The following PIBF1 variants were observed in gnomAD, a reference collection of about 807,000 sequenced individuals.
PIBF1 encodes the protein progesterone immunomodulatory binding factor 1.
A neutral mutation model predicts 112.5 loss-of-function variants in PIBF1; 90 were observed. The observed-to-expected ratio is 0.80, with a 90% CI of 0.67 to 0.95. PIBF1 has a LOEUF of 0.95. Ranked by LOEUF, PIBF1 falls within the 40% of genes least tolerant of loss-of-function variation. The probability of loss-of-function intolerance (pLI) is 0.00; values close to 1 mark genes in which losing one functional copy is unlikely to be tolerated. For synonymous variants in PIBF1, 301 were observed against 288.6 expected, an observed-to-expected ratio of 1.04 and a Z score of -0.44; for missense variants, 915 against 852.3, an observed-to-expected ratio of 1.07 and a Z score of -0.92.
chr13:72,807,844 C>T lies in PIBF1; in HGVS notation c.672+9818C>T, dbSNP rs1374892600. Among the ~76,000 whole-genome samples, 6 of 152,266 alleles carry T rather than the reference C, an allele frequency of 3.9e-5. No homozygotes were observed. The Middle Eastern group carries it at 0.01, about 259-fold the overall frequency. On this transcript the variant is annotated intron_variant, in intron 5 of 17. Coordinates refer to ENST00000326291, the MANE Select transcript of PIBF1 (RefSeq NM_006346.4). The stretch of plus-strand genomic sequence containing the variant: ...CCATTTTATTATAGAAATTTTCAAA[C>T]GTAACTTGAATTTCACAATGACACC...
At chr13:72,808,107 C>G (rs2035827519) in intron 5 of PIBF1, among the ~76,000 whole-genome samples, 1 of 152,112 alleles carries the variant, frequency 6.6e-6, no homozygotes, top group Non-Finnish European at 1.5e-5. Context: ...ACTTTACAAA[C>G]AAAGCTCTGA....
At chr13:72,991,255 C>G (rs2043469112) in intron 16 of PIBF1, among the ~76,000 whole-genome samples, 1 of 151,210 alleles carries the variant, frequency 6.6e-6, no homozygotes, top group Non-Finnish European at 1.5e-5. Context: ...CAGTTTATCT[C>G]TCTCATAGAG....
intron 11 of PIBF1, chr13:72,901,199 G>A (rs1220813397): frequency 1.5e-5 from 4 of 270,992 alleles, no homozygotes; most frequent in Non-Finnish European, 3.0e-5. Flanking sequence ...AATCTACAGT[G>A]AACTCAAATC....
intron 14 of PIBF1, among the ~76,000 whole-genome samples, chr13:72,943,448 A>G (rs2042065473): frequency 6.6e-6 from 1 of 152,230 alleles, no homozygotes; most frequent in Admixed American, 6.5e-5. Context: ...TCAAAATATC[A>G]CATATACCCT....
At chr13:72,858,103 G>C (rs2038524237) in intron 10 of PIBF1, among the ~76,000 whole-genome samples, 1 of 151,624 alleles carries the variant, frequency 6.6e-6, no homozygotes. Context: ...CCAGTCTGGA[G>C]TGCAGTGGCA....
chr13:72,790,057 T>C (rs962118142), intron 2 of PIBF1, among the ~76,000 whole-genome samples: 1 of 152,190 alleles, frequency 6.6e-6, no homozygotes, highest in Non-Finnish European at 1.5e-5. Flanking sequence ...ATTTTATGCT[T>C]TGTAGGCCAC....
intron 11 of PIBF1, among the ~76,000 whole-genome samples, chr13:72,907,312 C>T (rs1445278477): frequency 1.3e-5 from 2 of 151,958 alleles, no homozygotes; most frequent in Non-Finnish European, 2.9e-5. Flanking sequence ...TCCCTTTTTC[C>T]ACATCACAGA....
chr13:72,848,071 T>C (rs1486040908), intron 9 of PIBF1, among the ~76,000 whole-genome samples: 2 of 152,250 alleles, frequency 1.3e-5, no homozygotes, highest in African/African-American at 4.8e-5. Context: ...TTGGATTGCT[T>C]AGTTGCGCCT....
At chr13:72,926,872 T>C (rs1202096869) in intron 13 of PIBF1, among the ~76,000 whole-genome samples, 3 of 152,216 alleles carry the variant, frequency 2.0e-5, no homozygotes, top group Admixed American at 1.3e-4. Flanking sequence ...TCTTCCTCAG[T>C]AGACTATTAG....
intron 2 of PIBF1, among the ~76,000 whole-genome samples, chr13:72,791,286 C>T (rs545641746): frequency 1.3e-5 from 2 of 152,242 alleles, no homozygotes; most frequent in Non-Finnish European, 2.9e-5. Context: ...CATCTCCTGA[C>T]CTTGTGATAC....
chr13:72,944,625 TTA>T (rs1244827308), intron 14 of PIBF1, among the ~76,000 whole-genome samples: 3 of 152,178 alleles, frequency 2.0e-5, no homozygotes, highest in African/African-American at 7.2e-5. Flanking sequence ...CATTTTTGTT[TTA>T]TTTTTTTTAA....
At chr13:72,959,815 T>G (rs1450097489) in intron 14 of PIBF1, among the ~76,000 whole-genome samples, 1 of 152,196 alleles carries the variant, frequency 6.6e-6, no homozygotes, top group Non-Finnish European at 1.5e-5. Flanking sequence ...TTCTGTAAAA[T>G]GTTGTGTCAT....
chr13:72,989,353 T>G (rs2043399914), intron 16 of PIBF1, among the ~76,000 whole-genome samples: 1 of 152,186 alleles, frequency 6.6e-6, no homozygotes, highest in Non-Finnish European at 1.5e-5. Context: ...AGCTGATGAG[T>G]AAACAAAATT....
At chr13:72,853,727 A>G (rs1008126827) in intron 9 of PIBF1, among the ~76,000 whole-genome samples, 5 of 152,266 alleles carry the variant, frequency 3.3e-5, no homozygotes, top group African/African-American at 9.6e-5. Context: ...CCCAAACCTC[A>G]GTTTTCTAGT....
At chr13:72,822,274 G>A (rs1043859204) in intron 6 of PIBF1, among the ~76,000 whole-genome samples, 3 of 151,692 alleles carry the variant, frequency 2.0e-5, no homozygotes. Context: ...TTTATGTAGT[G>A]GAATCAATTT....
intron 16 of PIBF1, among the ~76,000 whole-genome samples, chr13:72,978,734 A>G (rs1026183282): frequency 6.6e-6 from 1 of 152,148 alleles, no homozygotes; most frequent in Non-Finnish European, 1.5e-5. Context: ...AAATGTCTTC[A>G]CTTGTACTCG....
intron 5 of PIBF1, among the ~76,000 whole-genome samples, chr13:72,819,515 A>C (rs1227003836): frequency 2.6e-5 from 4 of 151,958 alleles, no homozygotes; most frequent in African/African-American, 7.3e-5. Flanking sequence ...CTCCACTTTT[A>C]CTATTAAACT....
At chr13:72,801,438 AC>A (rs1331317570) in intron 5 of PIBF1, among the ~76,000 whole-genome samples, 3 of 152,194 alleles carry the variant, frequency 2.0e-5, no homozygotes, top group African/African-American at 7.2e-5. Flanking sequence ...ATCATTTACT[AC>A]CATAAAATGT....
At chr13:72,855,146 G>A (rs2038358530) in intron 10 of PIBF1, among the ~76,000 whole-genome samples, 1 of 151,970 alleles carries the variant, frequency 6.6e-6, no homozygotes, top group South Asian at 2.1e-4. Flanking sequence ...TAAGTTCAAT[G>A]GGTCTTTTAA....
Sources: gnomAD v4.1 joint callset for allele counts (sites outside exome capture counted in the v4.1 genomes callset) on GRCh38, gnomAD v4.1.1 for gene constraint, MANE v1.5 for transcripts, NCBI Gene and HGNC (gene_info 2026-07-23, HGNC 2026-07-21) for gene names.